Variants in C1orf167 observed in about 807,000 individuals in gnomAD.
C1orf167 encodes the protein chromosome 1 open reading frame 167.
Under a neutral mutation model 176.5 loss-of-function variants are expected in C1orf167, and 153 were observed. The ratio of observed to expected loss-of-function variants is 0.87; its 90% CI spans 0.76 to 0.99. The LOEUF (loss-of-function observed/expected upper bound fraction) is 0.99, where lower values mean the gene tolerates loss of function less well. C1orf167 is among the 50% of genes least tolerant of loss of function. The pLI is 0.00. For missense variants in C1orf167, 1,490 were observed against 1,817.7 expected (o/e 0.82, Z 3.28); for synonymous variants, 594 against 752.7 (o/e 0.79, Z 3.45).
intron 8 of C1orf167, among the ~76,000 whole-genome samples, chr1:11,772,778 C>T (rs1176158498): frequency 6.6e-6 from 1 of 152,196 alleles, no homozygotes; most frequent in East Asian, 1.9e-4. Flanking sequence ...AGACAGGAAA[C>T]TAGCAGTCCC....
At chr1:11,788,620 C>A in intron 19 of C1orf167, 32 bp from the exon 20 acceptor site, 1 of 1,298,710 alleles carries the variant, frequency 7.7e-7, no homozygotes, top group Non-Finnish European at 1.0e-6. Context: ...AGCGTGAGCA[C>A]AAGAGGCCTT....
In C1orf167 at chr1:11,789,469, C is replaced by T; in HGVS notation, c.*23C>T. The T allele has an allele frequency of 7.7e-7, 1 of 1,300,272 alleles. No individual in the cohort carries two copies. The highest frequency in any genetic ancestry group is 1.0e-6 in the Non-Finnish European group (1 of 986,886). 80.5% of individuals were successfully genotyped at this position (1,300,272 alleles called of 1,614,324 possible). ...TGACTTGTTCTCATAGAATAAAAAACAGAACTGAACTTAGCCTTCCCAGGG... is the reference window on the plus strand; with the variant it reads ...TGACTTGTTCTCATAGAATAAAAAATAGAACTGAACTTAGCCTTCCCAGGG... On this transcript the variant is annotated 3_prime_UTR_variant, in exon 21 of 21. Coordinates refer to ENST00000688073, the MANE Select transcript of C1orf167 (RefSeq NM_001010881.2).
rs1329304474 is a variant in C1orf167, at chr1:11,784,477, A to G, written c.3309A>G (p.Gly1103=). The G allele has an allele frequency of 7.7e-6, 10 of 1,303,158 alleles. No homozygotes were observed. The highest frequency in any genetic ancestry group is 1.0e-5 in the Non-Finnish European group (10 of 988,912). 80.7% of individuals were successfully genotyped at this position (1,303,158 alleles called of 1,614,324 possible). A position where few individuals can be genotyped will look rare whatever the true frequency, so the allele number is the denominator to read the frequency against. ...GMHHEAQQQA[G]ESAGAQAAQC... ...ACCATGAGGCCCAGCAGCAGGCAGG[A>G]GAGAGCGCTGGGGCCCAGGCAGCCC... is the stretch of plus-strand genomic sequence containing the variant. The change falls in exon 15 of 21, where the codon GGA becomes GGG. Residue 1103 remains glycine, a synonymous_variant. Coordinates refer to ENST00000688073, the MANE Select transcript of C1orf167 (RefSeq NM_001010881.2).
chr1:11,777,063 G>A (rs1643354205), intron 10 of C1orf167: 1 of 152,978 alleles, frequency 6.5e-6, no homozygotes, highest in Admixed American at 6.5e-5. Flanking sequence ...TACTGTAAAG[G>A]AACAAGGGCA....
At chr1:11,765,739 C>A in intron 2 of C1orf167, 118 bp from the exon 3 acceptor site, 1 of 1,004,798 alleles carries the variant, frequency 1.0e-6, no homozygotes, top group Non-Finnish European at 1.3e-6. Flanking sequence ...CCCTGGAAGT[C>A]TTAGCTCCCT....
intron 19 of C1orf167, 127 bp from the exon 20 acceptor site, chr1:11,788,525 C>A: frequency 9.1e-7 from 1 of 1,104,784 alleles, no homozygotes; most frequent in Non-Finnish European, 1.2e-6. Flanking sequence ...TAATACTCCT[C>A]AGATGACACC....
In C1orf167 at chr1:11,768,142, C is replaced by T. The variant is rs766662619; in HGVS notation, c.1409C>T (p.Ala470Val). ...RHLVKRQREPAAAAVALGRWQ... is the reference protein window; with the variant it reads ...RHLVKRQREPVAAAVALGRWQ... ...TTGGTGAAGAGGCAGCGGGAGCCAG[C>T]GGCGGCGGCAGTGGCACTGGGCCGC... The change falls in exon 5 of 21, where the codon GCG becomes GTG. Residue 470 changes from alanine (A) to valine (V), a missense_variant. Ala to Val is a moderately conservative substitution (Grantham distance 64). Coordinates refer to ENST00000688073, the MANE Select transcript of C1orf167 (RefSeq NM_001010881.2). The surrounding 1 kb of genome is among the most constrained non-coding windows in gnomAD (Gnocchi z 4.5). The T allele has an allele frequency of 1.2e-5, 15 of 1,289,536 alleles. No individual in the cohort carries two copies. The highest frequency in any genetic ancestry group is 1.1e-4 in the South Asian group (9 of 81,002). 79.9% of individuals were successfully genotyped at this position (1,289,536 alleles called of 1,614,324 possible).
rs1446284193 is a variant in C1orf167, at chr1:11,788,030, C to T, written c.3831C>T (p.Ala1277=). The part of the protein sequence containing the change: ...EPRACKAQSK[A]HKRRLRARSC... ...GAGCCTGCAAAGCCCAAAGCAAGGCCCATAAACGGAGGCTACGGTAAGAGG... is the reference window on the plus strand; with the variant it reads ...GAGCCTGCAAAGCCCAAAGCAAGGCTCATAAACGGAGGCTACGGTAAGAGG... Residue 1277 remains alanine (A), a synonymous_variant, in exon 18 of 21, where the codon GCC becomes GCT. Transcript: ENST00000688073. 7.7e-7 allele frequency: 1 copy of T among 1,299,112 alleles called. No homozygotes were observed. The highest frequency in any genetic ancestry group is 1.5e-5 in the African/African-American group (1 of 65,734). The allele number at this position is 1,299,112 out of a possible 1,614,324, so 80.5% of individuals were successfully genotyped here.
chr1:11,767,301 T>TG, intron 4 of C1orf167, 37 bp downstream of exon 4: 3 of 1,235,136 alleles, frequency 2.4e-6, no homozygotes, highest in African/African-American at 1.5e-5. Flanking sequence ...GGGTTGGAGT[T>TG]GGGGGACACG....
In C1orf167 at chr1:11,785,243, G is replaced by T. The variant is rs951294837; in HGVS notation, c.3521G>T (p.Arg1174Leu). ...LRPAELRRFL[R>L]TVQLRVRLGL... ...CCGGCTGAGCTCAGGCGCTTCCTGC[G>T]GACAGTGCAGCTCAGGGTGCGGCTG... Residue 1174 changes from arginine to leucine, a missense_variant, in exon 16 of 21, where the codon CGG becomes CTG. Transcript: ENST00000688073. 7.7e-7 allele frequency: 1 copy of T among 1,291,374 alleles called. No individual in the cohort carries two copies. Among genetic ancestry groups the T allele is most frequent in the Admixed American group, 2.3e-5 (1 of 43,560 alleles). The allele number at this position is 1,291,374 out of a possible 1,614,324, so 80.0% of individuals were successfully genotyped here. A position where few individuals can be genotyped will look rare whatever the true frequency, so the allele number is the denominator to read the frequency against.
chr1:11,773,513 GC>G (rs1643176746), intron 8 of C1orf167, among the ~76,000 whole-genome samples: 1 of 151,860 alleles, frequency 6.6e-6, no homozygotes, highest in African/African-American at 2.4e-5. Flanking sequence ...TTTGAGACCA[GC>G]CTGGACAACA....
intron 13 of C1orf167, among the ~76,000 whole-genome samples, chr1:11,781,594 T>C (rs1643606639): frequency 6.6e-6 from 1 of 152,162 alleles, no homozygotes. Context: ...CCAGAACTTC[T>C]AGTTTTTACA....
intron 20 of C1orf167, 35 bp downstream of exon 20, chr1:11,788,781 C>T (rs1643985343): frequency 7.7e-7 from 1 of 1,295,334 alleles, no homozygotes; most frequent in Non-Finnish European, 1.0e-6. Context: ...CTCTTCCCTG[C>T]ATTCCACTCA....
At chr1:11,778,447 T>G (rs1643428799) in intron 10 of C1orf167, 1 of 297,786 alleles carries the variant, frequency 3.4e-6, no homozygotes, top group Non-Finnish European at 6.5e-6. Context: ...GGGACCCTGG[T>G]GGGCATCGGT....
chr1:11,774,907 C>T (rs968650739), intron 8 of C1orf167, among the ~76,000 whole-genome samples: 2 of 152,220 alleles, frequency 1.3e-5, no homozygotes, highest in African/African-American at 4.8e-5. Flanking sequence ...GCTGAGGCCA[C>T]CACGCTGCCA....
intron 6 of C1orf167, 109 bp downstream of exon 6, chr1:11,769,236 T>A: frequency 1.1e-6 from 1 of 874,608 alleles, no homozygotes; most frequent in Non-Finnish European, 1.4e-6. Flanking sequence ...TAAGCAGATG[T>A]GGGCAAAGAT....
chr1:11,763,551 T>C (rs1002633711), intron 1 of C1orf167, among the ~76,000 whole-genome samples: 7 of 152,150 alleles, frequency 4.6e-5, no homozygotes, highest in African/African-American at 1.7e-4. Flanking sequence ...TTTGTTTCAA[T>C]ATAACTTTAT....
chr1:11,787,226 T>C (rs1328156006), intron 16 of C1orf167, 162 bp from the exon 17 acceptor site: 2 of 284,246 alleles, frequency 7.0e-6, no homozygotes, highest in African/African-American at 4.5e-5. Context: ...GGCTAACTAT[T>C]ATGGGCCCAC....
rs769578389 is a variant in C1orf167, at chr1:11,785,179, C to CGCGGCGGTGT, written c.3458_3467dup (p.Gln1157ArgfsTer15). On this transcript the variant is annotated frameshift_variant, in exon 16 of 21. Transcript: ENST00000688073. LOFTEE classifies it high-confidence loss of function. ...AGAGGCCTCGGTGCAGTCGGCGGTG[C>CGCGGCGGTGT]GCGGCGGTGTCCAGCGAGCCATCCT... The CGCGGCGGTGT allele has an allele frequency of 7.7e-7, 1 of 1,291,358 alleles. No individual in the cohort carries two copies. Among genetic ancestry groups the CGCGGCGGTGT allele is most frequent in the South Asian group, 1.2e-5 (1 of 80,976 alleles). 80.0% of individuals were successfully genotyped at this position (1,291,358 alleles called of 1,614,324 possible). A position where few individuals can be genotyped will look rare whatever the true frequency, so the allele number is the denominator to read the frequency against.
Sources: gnomAD v4.1 joint callset for allele counts (sites outside exome capture counted in the v4.1 genomes callset) on GRCh38, gnomAD v4.1.1 for gene constraint, Gnocchi (gnomAD v3.1) non-coding constraint, MANE v1.5 for transcripts, NCBI Gene and HGNC (gene_info 2026-07-23, HGNC 2026-07-21) for gene names.